Variants in ADAMTSL1 observed in about 807,000 individuals in gnomAD.
ADAMTSL1 encodes the protein ADAMTS like 1.
ADAMTSL1 carries 126 observed loss-of-function variants against 201.8 expected under a neutral mutation model. The ratio of observed to expected loss-of-function variants is 0.62; its 90% CI spans 0.54 to 0.72. The LOEUF (loss-of-function observed/expected upper bound fraction) is 0.72. Ranked by LOEUF, ADAMTSL1 falls within the 30% of genes least tolerant of loss-of-function variation. ADAMTSL1 has a pLI of 0.00. For synonymous variants in ADAMTSL1, 1,121 were observed against 903.4 expected, an observed-to-expected ratio of 1.24 and a Z score of -4.32; for missense variants, 2,679 against 2,277.8, an observed-to-expected ratio of 1.18 and a Z score of -3.59.
At chr9:18,169,030 T>C (rs1250767017) in intron 2 of ADAMTSL1, among the ~76,000 whole-genome samples, 2 of 141,748 alleles carry the variant, frequency 1.4e-5, no homozygotes, top group African/African-American at 2.6e-5. Flanking sequence ...TATTAGCCCT[T>C]TGTCAGATGA....
intron 21 of ADAMTSL1, 76 bp from the exon 22 acceptor site, chr9:18,826,208 C>G (rs1207389348): frequency 1.3e-6 from 2 of 1,523,764 alleles, no homozygotes; most frequent in South Asian, 1.2e-5. Flanking sequence ...ATTCAAGAAG[C>G]TATAAATGCC....
At chr9:18,498,188 A>G (rs1020373750) in intron 1 of ADAMTSL1, among the ~76,000 whole-genome samples, 2 of 152,116 alleles carry the variant, frequency 1.3e-5, no homozygotes, top group African/African-American at 4.8e-5. Flanking sequence ...ACTATGTGAC[A>G]TGAGCGTGTG....
At chr9:17,971,583 T>C (rs940192374) in intron 1 of ADAMTSL1, among the ~76,000 whole-genome samples, 2 of 151,994 alleles carry the variant, frequency 1.3e-5, no homozygotes, top group Non-Finnish European at 2.9e-5. Flanking sequence ...AAAGTAAACA[T>C]TTATATGACT....
chr9:18,533,378 C>A, intron 3 of ADAMTSL1, 86 bp downstream of exon 3: 1 of 1,095,562 alleles, frequency 9.1e-7, no homozygotes, highest in Non-Finnish European at 1.3e-6. Context: ...AGCAGGAAAT[C>A]AACCAACTAG....
chr9:18,757,605 C>A (rs1185836227), intron 16 of ADAMTSL1, among the ~76,000 whole-genome samples: 1 of 152,094 alleles, frequency 6.6e-6, no homozygotes, highest in Non-Finnish European at 1.5e-5. Context: ...CTACCATTTC[C>A]CACTCCCCTG....
intron 25 of ADAMTSL1, chr9:18,890,792 G>T: frequency 5.8e-6 from 2 of 347,390 alleles, no homozygotes; most frequent in South Asian, 4.4e-5. Context: ...GGAAATGCAG[G>T]CCTGACATTC....
intron 5 of ADAMTSL1, among the ~76,000 whole-genome samples, chr9:18,625,756 C>T (rs1826321538): frequency 6.6e-6 from 1 of 152,164 alleles, no homozygotes; most frequent in Non-Finnish European, 1.5e-5. Context: ...TTTGATATTT[C>T]CAGCTTTGCA....
chr9:18,150,267 G>C (rs1826850283), intron 1 of ADAMTSL1, among the ~76,000 whole-genome samples: 1 of 151,960 alleles, frequency 6.6e-6, no homozygotes, highest in Non-Finnish European at 1.5e-5. Flanking sequence ...TTTAAAGGAT[G>C]GGCAGGGGAA....
At chr9:18,428,434 C>CAAAAAAAAAA (rs368935296) in intron 2 of ADAMTSL1, among the ~76,000 whole-genome samples, 3 of 119,598 alleles carry the variant, frequency 2.5e-5, no homozygotes, top group East Asian at 2.4e-4. Flanking sequence ...CCTATGTCTA[C>CAAAAAAAAAA]AAAAAAAAAA....
chr9:18,774,153 C>T (rs1820848089), intron 17 of ADAMTSL1, among the ~76,000 whole-genome samples: 1 of 152,154 alleles, frequency 6.6e-6, no homozygotes, highest in Non-Finnish European at 1.5e-5. Flanking sequence ...ATGACAGCCT[C>T]CTTCCCCGAT....
At position 18,894,507 on chromosome 9, in the gene ADAMTSL1, A is replaced by G. The variant is rs28634539; in HGVS notation, c.4851+1911A>G. ...ATGGAGAGGAATCCATTTCCTCTTTATAAGCGTGATTCGCATGGCTTCCAT... is the reference window on the plus strand; with the variant it reads ...ATGGAGAGGAATCCATTTCCTCTTTGTAAGCGTGATTCGCATGGCTTCCAT... On this transcript the variant is annotated intron_variant, in intron 26 of 28. Transcript: ENST00000380548. Among the ~76,000 whole-genome samples the G allele has an allele frequency of 2.6e-3, 393 of 152,242 alleles. 3 individuals are homozygous for G. Among genetic ancestry groups the G allele is most frequent in the African/African-American group, 9.0e-3 (373 of 41,556 alleles).
chr9:18,906,610 G>C, intron 27 of ADAMTSL1, 82 bp from the exon 28 acceptor site: 1 of 1,162,460 alleles, frequency 8.6e-7, no homozygotes, highest in Non-Finnish European at 1.2e-6. Flanking sequence ...TAACATTTCT[G>C]AGTTTGCAGC....
intron 1 of ADAMTSL1, among the ~76,000 whole-genome samples, chr9:18,477,476 G>T (rs369179083): frequency 2.6e-5 from 4 of 152,144 alleles, no homozygotes; most frequent in Admixed American, 2.0e-4. Context: ...TATCTAAGTG[G>T]ATCTATCTTG....
intron 23 of ADAMTSL1, 100 bp from the exon 24 acceptor site, chr9:18,887,731 G>A: frequency 1.9e-6 from 2 of 1,070,694 alleles, no homozygotes; most frequent in South Asian, 1.4e-5. Flanking sequence ...AGGCCACATT[G>A]TGTGTACAAT....
At chr9:18,128,221 G>A (rs1825816017) in intron 1 of ADAMTSL1, among the ~76,000 whole-genome samples, 2 of 152,184 alleles carry the variant, frequency 1.3e-5, no homozygotes, top group African/African-American at 4.8e-5. Flanking sequence ...TCTGGTAATA[G>A]ATAATCAGAA....
intron 1 of ADAMTSL1, among the ~76,000 whole-genome samples, chr9:18,066,922 G>C (rs1257140179): frequency 6.6e-6 from 1 of 152,144 alleles, no homozygotes; most frequent in African/African-American, 2.4e-5. Flanking sequence ...TCACTCATAG[G>C]TGGGAATTGA....
intron 1 of ADAMTSL1, among the ~76,000 whole-genome samples, chr9:18,489,122 T>A (rs1443583422): frequency 6.6e-6 from 1 of 152,132 alleles, no homozygotes; most frequent in Non-Finnish European, 1.5e-5. Flanking sequence ...CATTGGCAAT[T>A]TTCCCAGGTA....
chr9:18,194,801 C>T (rs1401017439), intron 2 of ADAMTSL1, among the ~76,000 whole-genome samples: 1 of 152,086 alleles, frequency 6.6e-6, no homozygotes, highest in East Asian at 1.9e-4. Context: ...CCTGCCTAGA[C>T]TTTCTGTACA....
At chr9:18,629,406 T>G (rs951058121) in intron 5 of ADAMTSL1, among the ~76,000 whole-genome samples, 5 of 152,178 alleles carry the variant, frequency 3.3e-5, no homozygotes, top group African/African-American at 7.2e-5. Flanking sequence ...TTTATCAGAT[T>G]GAGGAAGTTC....
Sources: gnomAD v4.1 joint callset for allele counts (sites outside exome capture counted in the v4.1 genomes callset) on GRCh38, gnomAD v4.1.1 for gene constraint, MANE v1.5 for transcripts, NCBI Gene and HGNC (gene_info 2026-07-23, HGNC 2026-07-21) for gene names.